Variants in LINGO2 observed in about 807,000 individuals in gnomAD.
The protein encoded by LINGO2 is leucine-rich repeat and immunoglobulin-like domain-containing nogo receptor-interacting protein 2.
Under a neutral mutation model 30.6 loss-of-function variants are expected in LINGO2, and 14 were observed. That is an observed-to-expected ratio of 0.46 (90% confidence interval 0.30 to 0.72). The LOEUF is 0.72. LINGO2 is among the 30% of genes least tolerant of loss of function. The pLI is 0.07. For missense variants in LINGO2, 729 were observed against 751.7 expected (o/e 0.97, Z 0.35); for synonymous variants, 317 against 288.5 (o/e 1.10, Z -1.00).
At chr9:28,069,554 C>T (rs1825411754) in intron 4 of LINGO2, among the ~76,000 whole-genome samples, 3 of 152,180 alleles carry the variant, frequency 2.0e-5, no homozygotes, top group Admixed American at 1.3e-4. Flanking sequence ...GCTTTGCATT[C>T]AACCCATGGT....
chr9:28,715,733 C>A, the LINGO2 span, among the ~76,000 whole-genome samples: 3 of 151,974 alleles, frequency 2.0e-5, no homozygotes, highest in African/African-American at 7.2e-5. Context: ...CTTACATAGA[C>A]AAGCCACTTT....
chr9:28,296,722 T>C (rs979474120), intron 3 of LINGO2, among the ~76,000 whole-genome samples: 1 of 152,174 alleles, frequency 6.6e-6, no homozygotes, highest in African/African-American at 2.4e-5. Flanking sequence ...TGACACTAAA[T>C]GACAATACTG....
At chr9:28,559,181 T>C (rs1822909187) in intron 1 of LINGO2, among the ~76,000 whole-genome samples, 1 of 152,128 alleles carries the variant, frequency 6.6e-6, no homozygotes, top group Non-Finnish European at 1.5e-5. Context: ...GGAAGAGTTG[T>C]GAGTATTTGA....
At chr9:28,475,140 T>C (rs1825680515) in intron 2 of LINGO2, among the ~76,000 whole-genome samples, 1 of 152,042 alleles carries the variant, frequency 6.6e-6, no homozygotes, top group African/African-American at 2.4e-5. Flanking sequence ...AATAATGAAC[T>C]CCACCCTGCA....
intron 3 of LINGO2, among the ~76,000 whole-genome samples, chr9:28,356,363 C>A (rs1820209012): frequency 6.6e-6 from 1 of 152,072 alleles, no homozygotes. Flanking sequence ...GATATTGTAA[C>A]ATGTATAAAC....
chr9:28,427,340 C>T (rs908742560), intron 2 of LINGO2, among the ~76,000 whole-genome samples: 1 of 152,066 alleles, frequency 6.6e-6, no homozygotes, highest in African/African-American at 2.4e-5. Context: ...CATGTTCCTG[C>T]TTAAGAGATA....
At chr9:28,556,350 C>T (rs555703208) in intron 1 of LINGO2, among the ~76,000 whole-genome samples, 34 of 150,272 alleles carry the variant, frequency 2.3e-4, no homozygotes, top group South Asian at 6.3e-4. Context: ...TATACACCAA[C>T]AACAGACAAA....
intron 1 of LINGO2, among the ~76,000 whole-genome samples, chr9:28,648,592 T>C (rs1179897848): frequency 1.3e-5 from 2 of 152,114 alleles, no homozygotes; most frequent in Non-Finnish European, 2.9e-5. Context: ...CTCTAAAATA[T>C]TATGCTGTTT....
At chr9:28,910,960 T>C in the LINGO2 span, among the ~76,000 whole-genome samples, 7 of 152,126 alleles carry the variant, frequency 4.6e-5, no homozygotes, top group South Asian at 2.1e-4. Context: ...TATGGTTTTC[T>C]CTTAAAAGCA....
At chr9:27,970,098 A>T (rs1313653199) in intron 5 of LINGO2, among the ~76,000 whole-genome samples, 1 of 152,202 alleles carries the variant, frequency 6.6e-6, no homozygotes, top group African/African-American at 2.4e-5. Context: ...GTACATTTGT[A>T]TCTGCTCTGT....
the LINGO2 span, among the ~76,000 whole-genome samples, chr9:29,207,035 G>T: frequency 6.6e-6 from 1 of 151,692 alleles, no homozygotes; most frequent in Non-Finnish European, 1.5e-5. Flanking sequence ...GTGTGTGTAT[G>T]TGTACATATA....
At chr9:28,596,868 A>G (rs1587933598) in intron 1 of LINGO2, among the ~76,000 whole-genome samples, 1 of 152,140 alleles carries the variant, frequency 6.6e-6, no homozygotes, top group East Asian at 1.9e-4. Context: ...GATAAAGGGG[A>G]CTGAGCATGC....
the LINGO2 span, among the ~76,000 whole-genome samples, chr9:29,050,078 T>G: frequency 6.6e-6 from 1 of 151,990 alleles, no homozygotes. Context: ...CAGGCTTGAG[T>G]GCAGTGGTAC....
chr9:28,210,233 C>T (rs1221113333), intron 4 of LINGO2, among the ~76,000 whole-genome samples: 2 of 151,568 alleles, frequency 1.3e-5, no homozygotes, highest in Non-Finnish European at 3.0e-5. Context: ...AGCATTGATT[C>T]AGCATATTTT....
intron 4 of LINGO2, among the ~76,000 whole-genome samples, chr9:28,062,119 A>G (rs771394023): frequency 6.6e-5 from 10 of 152,076 alleles, no homozygotes; most frequent in Non-Finnish European, 1.2e-4. Flanking sequence ...AAACAGACAG[A>G]AAAAAGAATC....
intron 4 of LINGO2, among the ~76,000 whole-genome samples, chr9:28,250,382 C>A (rs1227370736): frequency 6.6e-6 from 1 of 152,156 alleles, no homozygotes; most frequent in African/African-American, 2.4e-5. Flanking sequence ...GAATTTAGCA[C>A]AGTGGTGAGT....
At chr9:28,328,159 G>A (rs1442866410) in intron 3 of LINGO2, among the ~76,000 whole-genome samples, 2 of 152,154 alleles carry the variant, frequency 1.3e-5, no homozygotes, top group Non-Finnish European at 2.9e-5. Context: ...AAGACCCTAT[G>A]GCTCATAGCA....
intron 4 of LINGO2, among the ~76,000 whole-genome samples, chr9:28,080,318 C>G (rs1825738532): frequency 1.3e-5 from 2 of 152,126 alleles, no homozygotes; most frequent in African/African-American, 4.8e-5. Context: ...TGGAGTTTTT[C>G]CAGCTTCTTC....
At chr9:29,202,471 A>C in the LINGO2 span, among the ~76,000 whole-genome samples, 1 of 152,040 alleles carries the variant, frequency 6.6e-6, no homozygotes, top group Admixed American at 6.6e-5. Context: ...TAATAATTAC[A>C]TTCATTAGCA....
Sources: allele counts gnomAD v4.1 joint callset (sites outside exome capture counted in the v4.1 genomes callset), GRCh38; gene constraint gnomAD v4.1.1; transcripts MANE v1.5; gene names NCBI Gene and HGNC (gene_info 2026-07-23, HGNC 2026-07-21).